MRNIP: variants seen among roughly 807,000 people sequenced by gnomAD.
MRNIP encodes the protein MRN complex-interacting protein.
In MRNIP, 30 loss-of-function variants were observed where a neutral mutation model predicts 29.8. The ratio of observed to expected loss-of-function variants is 1.01; its 90% CI spans 0.75 to 1.36. The LOEUF is 1.36. Among genes scored for constraint, MRNIP ranks in the 40% most tolerant of loss-of-function variants. The pLI is 0.00. For synonymous variants in MRNIP, 201 were observed against 164.1 expected (o/e 1.23, Z -1.72); for missense variants, 459 against 423.5 (o/e 1.08, Z -0.74).
intron 4 of MRNIP, among the ~76,000 whole-genome samples, chr5:179,843,719 G>A (rs375643707): frequency 3.3e-5 from 5 of 151,780 alleles, no homozygotes; most frequent in Non-Finnish European, 4.4e-5. Context: ...CAGCCTGGGC[G>A]ACAGAGTGAG....
intron 2 of MRNIP, among the ~76,000 whole-genome samples, chr5:179,850,028 A>C (rs1002908656): frequency 6.6e-6 from 1 of 151,772 alleles, no homozygotes; most frequent in African/African-American, 2.4e-5. Flanking sequence ...AGGTCCCGCT[A>C]TCGCACAGGC....
Position 179,837,559 on chromosome 5 carries a change from G to C in MRNIP, c.864C>G (p.Ala288=). The change falls in exon 7 of 7, where the codon GCC becomes GCG. Residue 288 remains alanine, a synonymous_variant. Transcript: ENST00000292586. ...CAGACCCAGATGTGACGGGGTGTGT[G>C]GCCCGAGGAAGCTGGACAGCGGCAG... ...RPTAAVQLPR[A]THPVTSGSER... The C allele has an allele frequency of 6.2e-7, 1 of 1,614,198 alleles. No individual in the cohort carries two copies. The highest frequency in any genetic ancestry group is 8.5e-7 in the Non-Finnish European group (1 of 1,180,012).
Position 179,837,810 on chromosome 5 carries a change from C to G in MRNIP, c.613G>C (p.Ala205Pro). The G allele has an allele frequency of 6.2e-7, 1 of 1,613,834 alleles. No individual in the cohort carries two copies. Among genetic ancestry groups the G allele is most frequent in the Non-Finnish European group, 8.5e-7 (1 of 1,180,044 alleles). Residue 205 changes from alanine (A) to proline (P), a missense_variant, in exon 7 of 7, where the codon GCC becomes CCC. Physicochemically the swap from Ala to Pro is conservative, Grantham distance 27. Coordinates refer to ENST00000292586, the MANE Select transcript of MRNIP (RefSeq NM_016175.4). The part of the protein sequence containing the change: ...CLQENSADCS[A>P]GELRGPGKEL... ...TTCCCAGGACCCCTCAGCTCCCCGG[C>G]ACTGCAGTCTGCAGAGTTCTCCTGG...
In MRNIP at chr5:179,841,966, C is replaced by T. The variant is rs562967986; in HGVS notation, c.390G>A (p.Gln130=). Residue 130 remains glutamine, a synonymous_variant, in exon 5 of 7, where the codon CAG becomes CAA. Transcript: ENST00000292586. The part of the protein sequence containing the change: ...LEGTGVCFSK[Q]PSSKMEEPGP... Reference sequence around the variant, plus strand: ...CTGGCTCCTCCATTTTGGATGAAGGCTGTTTGCTGAAACACACTCCTGTTC... The same window carrying T: ...CTGGCTCCTCCATTTTGGATGAAGGTTGTTTGCTGAAACACACTCCTGTTC... The T allele has an allele frequency of 5.6e-6, 9 of 1,614,178 alleles. No homozygotes were observed. The Admixed American group carries it at 1.3e-4, about 24-fold the overall frequency.
intron 1 of MRNIP, among the ~76,000 whole-genome samples, chr5:179,854,849 G>A (rs1483664362): frequency 2.0e-5 from 3 of 152,130 alleles, no homozygotes; most frequent in African/African-American, 7.2e-5. Context: ...GACTAGATGT[G>A]TTCTCTCTTA....
Position 179,844,145 on chromosome 5 carries a change from G to A in MRNIP, c.291+7C>T. On this transcript the variant is annotated splice_region_variant and intron_variant, in intron 4 of 6. Coordinates refer to ENST00000292586, the MANE Select transcript of MRNIP (RefSeq NM_016175.4). ...GCCAGCCTGGGGCAGGTGGGCCTGA[G>A]GCTTACCTGCTGCTTCACATTCCCA... 3.1e-6 allele frequency: 5 copies of A among 1,613,572 alleles called. No homozygotes were observed. Among genetic ancestry groups the A allele is most frequent in the Non-Finnish European group, 4.2e-6 (5 of 1,179,586 alleles).
rs188462274 is a variant in MRNIP, at chr5:179,853,006, C to T, written c.126+372G>A. On this transcript the variant is annotated intron_variant, in intron 2 of 6. Coordinates refer to ENST00000292586, the MANE Select transcript of MRNIP (RefSeq NM_016175.4). Reference sequence around the variant, plus strand: ...ATCTTCTCACAGTCCCCAGTGCTTTCCTTTCCTTGTGCTCAGCCGAGTTTT... The same window carrying T: ...ATCTTCTCACAGTCCCCAGTGCTTTTCTTTCCTTGTGCTCAGCCGAGTTTT... 3.2e-3 allele frequency among the ~76,000 whole-genome samples: 491 copies of T among 152,334 alleles called. 1 individual carries two copies. The highest frequency in any genetic ancestry group is 3.5e-3 in the Admixed American group (53 of 15,302).
rs545842862 is a variant in MRNIP at position 179,850,047 on chromosome 5, C to T, written c.127-1981G>A. Among the ~76,000 whole-genome samples the T allele has an allele frequency of 5.1e-5, 7 of 138,242 alleles. No homozygotes were observed. The East Asian group carries it at 9.4e-4, about 19-fold the overall frequency. 90.7% of individuals were successfully genotyped at this position (138,242 alleles called of 152,430 possible). A position where few individuals can be genotyped will look rare whatever the true frequency, so the allele number is the denominator to read the frequency against. ...CCCGCTATCGCACAGGCAGATGGTA[C>T]GAGACGGGATTTGAGACCACGGGTC... On this transcript the variant is annotated intron_variant, in intron 2 of 6. Coordinates refer to ENST00000292586, the MANE Select transcript of MRNIP (RefSeq NM_016175.4).
In MRNIP at chr5:179,837,288, A is replaced by T. The variant is rs560957240; in HGVS notation, c.*103T>A. On this transcript the variant is annotated 3_prime_UTR_variant, in exon 7 of 7. Coordinates refer to ENST00000292586, the MANE Select transcript of MRNIP (RefSeq NM_016175.4). ...GCATAGAGAGAAATGATTGACAGTAAGTTTATTGTTAATGGTTCTTACAGA... is the reference window on the plus strand; with the variant it reads ...GCATAGAGAGAAATGATTGACAGTATGTTTATTGTTAATGGTTCTTACAGA... 6.2e-7 allele frequency: 1 copy of T among 1,607,578 alleles called. No homozygotes were observed. Among genetic ancestry groups the T allele is most frequent in the East Asian group, 2.2e-5 (1 of 44,862 alleles).
intron 1 of MRNIP, 82 bp downstream of exon 1, chr5:179,858,649 C>T (rs919747238): frequency 9.6e-6 from 9 of 934,502 alleles, no homozygotes; most frequent in Admixed American, 2.7e-5. Context: ...CGGAGCCATT[C>T]GAGACAACAC....
intron 1 of MRNIP, among the ~76,000 whole-genome samples, chr5:179,854,009 G>T (rs1759484282): frequency 6.9e-6 from 1 of 144,218 alleles, no homozygotes; most frequent in Non-Finnish European, 1.5e-5. Flanking sequence ...ACCATGCCTG[G>T]CCTGAAATAA....
intron 2 of MRNIP, chr5:179,851,508 T>C (rs558333875): frequency 7.4e-5 from 33 of 443,346 alleles, no homozygotes; most frequent in Admixed American, 1.4e-4. Context: ...GAAAAGCTGA[T>C]GTCTGGCTTG....
At position 179,840,950 on chromosome 5, in the gene MRNIP, G is replaced by T. The variant is rs768817974; in HGVS notation, c.459C>A (p.Ser153Arg). The T allele has an allele frequency of 1.9e-6, 3 of 1,602,808 alleles. No homozygotes were observed. Among genetic ancestry groups the T allele is most frequent in the South Asian group, 2.2e-5 (2 of 89,280 alleles). ...TGCACGGAGGCTGGACGGTGCTCCT[G>T]CTCCACTTCCTGTCAGGACAGGACC... Reference protein sequence around the residue: ...SQDLPRKRKWSRSTVQPPCSR... With the variant: ...SQDLPRKRKWRRSTVQPPCSR... The change falls in exon 6 of 7, where the codon AGC becomes AGA. Residue 153 changes from serine to arginine, a missense_variant. Transcript: ENST00000292586.
At chr5:179,853,220 T>C (rs1317595488) in intron 2 of MRNIP, 158 bp downstream of exon 2, 17 of 1,541,506 alleles carry the variant, frequency 1.1e-5, no homozygotes, top group Non-Finnish European at 1.4e-5. Context: ...GCTCCATCCA[T>C]TTCACTTCCT....
chr5:179,844,005 A>G lies in MRNIP; in HGVS notation c.291+147T>C, dbSNP rs558517202. The G allele has an allele frequency of 5.2e-5, 35 of 671,080 alleles. 2 individuals are homozygous for G. In the South Asian group the frequency reaches 5.7e-4, roughly 11 times the overall value. The allele number at this position is 671,080 out of a possible 1,614,324, so 41.6% of individuals were successfully genotyped here. On this transcript the variant is annotated intron_variant, in intron 4 of 6. Transcript: ENST00000292586. ...CCTTACAAAAGGTACAGGTTTATTTATTTTTGTGTTCCCTGCAGCTTTAAG... is the reference window on the plus strand; with the variant it reads ...CCTTACAAAAGGTACAGGTTTATTTGTTTTTGTGTTCCCTGCAGCTTTAAG...
intron 1 of MRNIP, 145 bp downstream of exon 1, chr5:179,858,586 C>A: frequency 1.7e-6 from 1 of 576,262 alleles, no homozygotes. Flanking sequence ...GGGGGCGACC[C>A]CAATGAGACC....
Position 179,858,804 on chromosome 5 carries a change from T to C in MRNIP, c.-8A>G, listed in dbSNP as rs1384818458. On this transcript the variant is annotated 5_prime_UTR_variant, in exon 1 of 7. Transcript: ENST00000292586. ...ACGCTGAAGCGACGCCATCCCTGCT[T>C]GTGCAGTCGCCAGGCAGCCAAGCGC... is the stretch of plus-strand genomic sequence containing the variant. 1.3e-6 allele frequency: 2 copies of C among 1,539,112 alleles called. No homozygotes were observed. The highest frequency in any genetic ancestry group is 2.0e-5 in the Admixed American group (1 of 50,282).
intron 3 of MRNIP, chr5:179,846,138 G>A (rs1759120869): frequency 6.6e-6 from 1 of 152,126 alleles, no homozygotes; most frequent in Non-Finnish European, 1.5e-5. Flanking sequence ...TATTAAACAT[G>A]CAATATCATG....
At chr5:179,842,556 C>A (rs1684974) in intron 4 of MRNIP, among the ~76,000 whole-genome samples, 1 of 150,204 alleles carries the variant, frequency 6.7e-6, no homozygotes, top group African/African-American at 2.5e-5. Context: ...AAAAATTAGC[C>A]GGGCGTGATG....
Sources: gnomAD v4.1 joint callset for allele counts (sites outside exome capture counted in the v4.1 genomes callset) on GRCh38, gnomAD v4.1.1 for gene constraint, MANE v1.5 for transcripts, NCBI Gene and HGNC (gene_info 2026-07-23, HGNC 2026-07-21) for gene names.